The following RANBP3 variants were observed in gnomAD, a reference collection of about 807,000 sequenced individuals.
RANBP3 encodes the protein ran-binding protein 3.
In RANBP3, 14 loss-of-function variants were observed where a neutral mutation model predicts 77.3. The observed-to-expected ratio is 0.18, with a 90% CI of 0.12 to 0.28. The LOEUF (loss-of-function observed/expected upper bound fraction) is 0.28, where lower values mean the gene tolerates loss of function less well. Ranked by LOEUF, RANBP3 falls within the 10% of genes least tolerant of loss-of-function variation. RANBP3 has a pLI of 1.00. For missense variants in RANBP3, 586 were observed against 752.3 expected (o/e 0.78, Z 2.59); for synonymous variants, 315 against 312.4 (o/e 1.01, Z -0.09).
At chr19:5,955,605 T>C (rs2058326008) in intron 2 of RANBP3, among the ~76,000 whole-genome samples, 1 of 152,232 alleles carries the variant, frequency 6.6e-6, no homozygotes, top group African/African-American at 2.4e-5. Context: ...TCTGAGCAAA[T>C]ATTACACATT....
At chr19:5,940,885 G>C (rs2058126867) in intron 5 of RANBP3, among the ~76,000 whole-genome samples, 1 of 152,240 alleles carries the variant, frequency 6.6e-6, no homozygotes. Flanking sequence ...ATGGCAGGAG[G>C]CCGGGCTTTC....
At chr19:5,920,818 G>C (rs2057808157) in intron 14 of RANBP3, 1 of 159,288 alleles carries the variant, frequency 6.3e-6, no homozygotes, top group Non-Finnish European at 1.4e-5. Context: ...AAAGTGCTGG[G>C]GTTACAGGCG....
Position 5,970,333 on chromosome 19 carries a change from C to T in RANBP3, c.22+7728G>A, listed in dbSNP as rs903005315. On this transcript the variant is annotated intron_variant, in intron 1 of 16. Transcript: ENST00000340578. ...ACCCCCCACCCTGGCTTCTGGGATT[C>T]ACCGCCTCTCTCCCTCCCCACTCAG... Among the ~76,000 whole-genome samples, 3 of 152,118 alleles carry T rather than the reference C, an allele frequency of 2.0e-5. No individual in the cohort carries two copies. In the East Asian group the frequency reaches 5.8e-4, roughly 29 times the overall value.
chr19:5,933,053 G>T (rs1296447802), intron 6 of RANBP3: 1 of 284,522 alleles, frequency 3.5e-6, no homozygotes, highest in African/African-American at 2.2e-5. Context: ...CGCGCCGCTG[G>T]AATGCAGCCA....
chr19:5,941,477 C>T (rs2058135860), intron 5 of RANBP3, 144 bp downstream of exon 5: 4 of 707,768 alleles, frequency 5.7e-6, no homozygotes, highest in Non-Finnish European at 9.7e-6. Context: ...GCTCTCACCT[C>T]ACTCCTGACA....
chr19:5,951,708 G>C (rs1043010159), intron 2 of RANBP3, 112 bp from the exon 3 acceptor site: 13 of 968,514 alleles, frequency 1.3e-5, no homozygotes, highest in South Asian at 2.9e-5. Context: ...AGCAGCTCCT[G>C]CGCCTGGGAG....
At position 5,920,508 on chromosome 19, in the gene RANBP3, C is replaced by T. The variant is rs1164472163; in HGVS notation, c.1330+693G>A. Among the ~76,000 whole-genome samples, 3 of 152,190 alleles carry T rather than the reference C, an allele frequency of 2.0e-5. 1 individual carries two copies. The highest frequency in any genetic ancestry group is 2.0e-4 in the Admixed American group (3 of 15,286). On this transcript the variant is annotated intron_variant, in intron 14 of 16. Coordinates refer to ENST00000340578, the MANE Select transcript of RANBP3 (RefSeq NM_007322.3). ...CCACCAATAGGGAAAAGTCCATTGA[C>T]TGTCAATGGAATATTAACATGAAAG... is the stretch of plus-strand genomic sequence containing the variant.
In RANBP3 at chr19:5,933,385, C is replaced by A. The variant is rs200132344; in HGVS notation, c.472+29G>T. On this transcript the variant is annotated intron_variant, in intron 6 of 16. Transcript: ENST00000340578. Reference sequence around the variant, plus strand: ...GGTCTGAAAAACGTCAGAGAGCCACCCCCCGCCCCAGGGAGGTAGACGACC... The same window carrying A: ...GGTCTGAAAAACGTCAGAGAGCCACACCCCGCCCCAGGGAGGTAGACGACC... 153 of 1,585,340 alleles carry A rather than the reference C, an allele frequency of 9.7e-5. 1 individual carries two copies. The African/African-American group carries it at 2.0e-3, about 20-fold the overall frequency.
At chr19:5,930,651 C>T (rs1341194258) in intron 8 of RANBP3, among the ~76,000 whole-genome samples, 1 of 152,200 alleles carries the variant, frequency 6.6e-6, no homozygotes, top group Non-Finnish European at 1.5e-5. Flanking sequence ...TCACAGCAGC[C>T]TCCCCTTCCC....
intron 2 of RANBP3, among the ~76,000 whole-genome samples, chr19:5,953,973 C>T (rs1260634118): frequency 6.6e-6 from 1 of 152,230 alleles, no homozygotes; most frequent in Non-Finnish European, 1.5e-5. Flanking sequence ...ACGCAGGCCA[C>T]GGTCCCAATC....
intron 3 of RANBP3, among the ~76,000 whole-genome samples, chr19:5,943,699 AG>A (rs1407682611): frequency 3.3e-5 from 5 of 152,118 alleles, no homozygotes; most frequent in Non-Finnish European, 7.3e-5. Flanking sequence ...CCGTGTTCTG[AG>A]GGGGCTTTGG....
At chr19:5,935,889 C>T (rs577137684) in intron 5 of RANBP3, 9 of 445,174 alleles carry the variant, frequency 2.0e-5, no homozygotes, top group South Asian at 9.5e-5. Flanking sequence ...CAGAGCCCGA[C>T]GCCTGCCACA....
chr19:5,918,392 C>A, intron 15 of RANBP3, 104 bp downstream of exon 15: 1 of 262,748 alleles, frequency 3.8e-6, no homozygotes, highest in Non-Finnish European at 7.5e-6. Context: ...ACTGAAGCCC[C>A]TCCCCCCTCC....
intron 2 of RANBP3, among the ~76,000 whole-genome samples, chr19:5,954,562 G>A (rs1482949926): frequency 1.3e-5 from 2 of 152,114 alleles, no homozygotes; most frequent in African/African-American, 4.8e-5. Flanking sequence ...GGATACCCAA[G>A]TGTTTGCAGT....
At chr19:5,948,475 T>C (rs1000631049) in intron 3 of RANBP3, among the ~76,000 whole-genome samples, 6 of 150,738 alleles carry the variant, frequency 4.0e-5, no homozygotes, top group Non-Finnish European at 8.9e-5. Context: ...AAAAGATAAA[T>C]TCCCCCTAGA....
At chr19:5,923,427 C>A in intron 12 of RANBP3, 124 bp from the exon 13 acceptor site, 1 of 909,896 alleles carries the variant, frequency 1.1e-6, no homozygotes, top group Non-Finnish European at 1.7e-6. Flanking sequence ...CCCTGGCAGG[C>A]CTGCCCCGGC....
intron 3 of RANBP3, among the ~76,000 whole-genome samples, chr19:5,943,383 C>T (rs972378096): frequency 6.6e-6 from 1 of 152,166 alleles, no homozygotes; most frequent in African/African-American, 2.4e-5. Flanking sequence ...CAAGTCAGGG[C>T]GATGCATTTT....
chr19:5,938,688 G>A (rs769189618), intron 5 of RANBP3, among the ~76,000 whole-genome samples: 3 of 152,132 alleles, frequency 2.0e-5, no homozygotes, highest in East Asian at 1.9e-4. Flanking sequence ...GTGAAACTCC[G>A]TCTCCAAAAC....
At chr19:5,953,849 T>C (rs937811681) in intron 2 of RANBP3, among the ~76,000 whole-genome samples, 1 of 152,164 alleles carries the variant, frequency 6.6e-6, no homozygotes, top group Admixed American at 6.5e-5. Context: ...AATCTGACCA[T>C]GGCTTCGTTT....
Sources: allele counts gnomAD v4.1 joint callset (sites outside exome capture counted in the v4.1 genomes callset), GRCh38; gene constraint gnomAD v4.1.1; transcripts MANE v1.5; gene names NCBI Gene and HGNC (gene_info 2026-07-23, HGNC 2026-07-21).